CNTN4: variants seen among roughly 807,000 people sequenced by gnomAD.
CNTN4 encodes the protein contactin-4.
A neutral mutation model predicts 122.5 loss-of-function variants in CNTN4; 77 were observed. That is an observed-to-expected ratio of 0.63 (90% CI 0.52 to 0.76). The LOEUF (loss-of-function observed/expected upper bound fraction) is 0.76. CNTN4 is among the 30% of genes least tolerant of loss of function. CNTN4 has a pLI of 0.00. For synonymous variants in CNTN4, 512 were observed against 447.0 expected (o/e 1.15, Z -1.83); for missense variants, 1,256 against 1,259.1 (o/e 1.00, Z 0.04).
In CNTN4 at chr3:2,834,898, C is replaced by CTTTTTTTTTTT. The variant is rs71058653; in HGVS notation, c.454+15331_454+15341dup. On this transcript the variant is annotated intron_variant, in intron 7 of 24. Transcript: ENST00000418658. ...AAGCATTAAATTAGATAAAGGCAAC[C>CTTTTTTTTTTT]TTTTTTTTTTTTTTTTTTTTTTTTG... Among the ~76,000 whole-genome samples, 22 of 60,460 alleles carry CTTTTTTTTTTT rather than the reference C, an allele frequency of 3.6e-4. 1 individual carries two copies. Among genetic ancestry groups the CTTTTTTTTTTT allele is most frequent in the South Asian group, 8.5e-4 (1 of 1,178 alleles). The allele number at this position is 60,460 out of a possible 152,430, so 39.7% of individuals were successfully genotyped here.
At chr3:2,212,961 CT>C (rs1220476617) in intron 2 of CNTN4, among the ~76,000 whole-genome samples, 16 of 152,182 alleles carry the variant, frequency 1.1e-4, no homozygotes, top group African/African-American at 3.6e-4. Flanking sequence ...CATCAGAGCG[CT>C]CATGATATTA....
At chr3:2,503,883 C>T (rs188182463) in intron 3 of CNTN4, among the ~76,000 whole-genome samples, 35 of 152,066 alleles carry the variant, frequency 2.3e-4, no homozygotes, top group Non-Finnish European at 4.0e-4. Flanking sequence ...AAGAACTGGC[C>T]ATATTTGGCT....
chr3:2,138,853 C>CT, intron 2 of CNTN4, among the ~76,000 whole-genome samples: 1 of 148,616 alleles, frequency 6.7e-6, no homozygotes, highest in East Asian at 1.9e-4. Flanking sequence ...AAATTTTCTT[C>CT]TCTCTCTCTC....
At chr3:2,727,517 G>C (rs975101626) in intron 4 of CNTN4, among the ~76,000 whole-genome samples, 7 of 152,178 alleles carry the variant, frequency 4.6e-5, no homozygotes, top group Non-Finnish European at 8.8e-5. Flanking sequence ...AATGTGTCAA[G>C]GTTTAAGATC....
At chr3:2,347,822 T>C (rs1212865147) in intron 3 of CNTN4, among the ~76,000 whole-genome samples, 1 of 151,930 alleles carries the variant, frequency 6.6e-6, no homozygotes, top group African/African-American at 2.4e-5. Context: ...CAATTTCTTG[T>C]TTTAATTTTT....
chr3:2,190,701 T>G (rs912779550), intron 2 of CNTN4, among the ~76,000 whole-genome samples: 4 of 152,042 alleles, frequency 2.6e-5, no homozygotes, highest in African/African-American at 9.7e-5. Context: ...CCATCCATCC[T>G]GAGCCTATTA....
At chr3:2,882,536 G>A (rs905946302) in intron 8 of CNTN4, among the ~76,000 whole-genome samples, 2 of 152,180 alleles carry the variant, frequency 1.3e-5, no homozygotes, top group Non-Finnish European at 2.9e-5. Context: ...CCATTGGCAA[G>A]GTAGGTGTAA....
At chr3:2,957,151 G>A (rs1340169275) in intron 13 of CNTN4, among the ~76,000 whole-genome samples, 2 of 152,052 alleles carry the variant, frequency 1.3e-5, no homozygotes, top group Admixed American at 6.6e-5. Flanking sequence ...GGATATATAC[G>A]CAGAAGTGGG....
Position 2,866,772 on chromosome 3 carries a change from T to G in CNTN4, c.475T>G (p.Phe159Val). The change falls in exon 8 of 25, where the codon TTC becomes GTC. Residue 159 changes from phenylalanine to valine, a missense_variant. Physicochemically the swap from Phe to Val is conservative, Grantham distance 50 (BLOSUM62 -1). Coordinates refer to ENST00000418658, the MANE Select transcript of CNTN4 (RefSeq NM_175607.3). ...HSGELSYAWI[F>V]NEYPSYQDNR... ...TTCAGAGCTGAGTTATGCCTGGATC[T>G]TCAATGAATACCCTTCCTATCAGGA... The G allele has an allele frequency of 6.2e-7, 1 of 1,613,994 alleles. No homozygotes were observed. Among genetic ancestry groups the G allele is most frequent in the Admixed American group, 1.7e-5 (1 of 60,018 alleles).
chr3:2,489,482 G>A (rs1277913725), intron 3 of CNTN4, among the ~76,000 whole-genome samples: 1 of 152,146 alleles, frequency 6.6e-6, no homozygotes, highest in Non-Finnish European at 1.5e-5. Flanking sequence ...TATTAAACCA[G>A]AAGCCTCAGC....
chr3:2,322,855 G>A (rs2043317601), intron 2 of CNTN4, among the ~76,000 whole-genome samples: 1 of 152,000 alleles, frequency 6.6e-6, no homozygotes, highest in African/African-American at 2.4e-5. Context: ...TTAAAATAGA[G>A]GAAAAGTTGC....
intron 2 of CNTN4, among the ~76,000 whole-genome samples, chr3:2,187,310 A>G (rs2037317460): frequency 6.6e-6 from 1 of 152,182 alleles, no homozygotes; most frequent in African/African-American, 2.4e-5. Context: ...TACCAGTACC[A>G]TGCTGTTTTG....
At chr3:2,814,188 A>G (rs965403379) in intron 6 of CNTN4, among the ~76,000 whole-genome samples, 6 of 152,186 alleles carry the variant, frequency 3.9e-5, no homozygotes, top group African/African-American at 1.4e-4. Context: ...AATCAACACC[A>G]AAAAGTAGAG....
chr3:2,972,445 C>A (rs1693016610), intron 13 of CNTN4, among the ~76,000 whole-genome samples: 1 of 152,120 alleles, frequency 6.6e-6, no homozygotes. Flanking sequence ...TTGAACACTT[C>A]AACAGTGCAA....
intron 13 of CNTN4, among the ~76,000 whole-genome samples, chr3:2,981,019 C>T (rs973438311): frequency 3.3e-5 from 5 of 152,192 alleles, no homozygotes; most frequent in African/African-American, 1.2e-4. Flanking sequence ...CCCAGGTAGT[C>T]TTTTCCTATT....
At chr3:2,571,373 A>T in intron 3 of CNTN4, 43 bp from the exon 4 acceptor site, 1 of 731,978 alleles carries the variant, frequency 1.4e-6, no homozygotes, top group Non-Finnish European at 2.5e-6. Context: ...CCACAAGGAG[A>T]AATATTCCCA....
chr3:2,197,457 C>T (rs181122607), intron 2 of CNTN4, among the ~76,000 whole-genome samples: 49 of 152,298 alleles, frequency 3.2e-4, no homozygotes, highest in Non-Finnish European at 5.3e-4. Context: ...GATCATAGTT[C>T]AGTGCCTTAA....
intron 14 of CNTN4, among the ~76,000 whole-genome samples, chr3:3,005,946 C>T (rs1026336560): frequency 2.0e-5 from 3 of 148,154 alleles, no homozygotes; most frequent in Admixed American, 1.4e-4. Context: ...AGTGCAGTGG[C>T]ACGATCTCGG....
At chr3:2,423,254 A>G (rs1006930312) in intron 3 of CNTN4, among the ~76,000 whole-genome samples, 1 of 152,194 alleles carries the variant, frequency 6.6e-6, no homozygotes, top group African/African-American at 2.4e-5. Flanking sequence ...ACAAACTTCT[A>G]AGAGCAGTCA....
Sources: gnomAD v4.1 joint callset for allele counts (sites outside exome capture counted in the v4.1 genomes callset) on GRCh38, gnomAD v4.1.1 for gene constraint, MANE v1.5 for transcripts, NCBI Gene and HGNC (gene_info 2026-07-23, HGNC 2026-07-21) for gene names.